AIM2: variants seen among roughly 807,000 people sequenced by gnomAD.
AIM2 encodes the protein absent in melanoma 2.
A neutral mutation model predicts 27.7 loss-of-function variants in AIM2; 30 were observed. The ratio of observed to expected loss-of-function variants is 1.08; its 90% CI spans 0.81 to 1.47. The LOEUF (loss-of-function observed/expected upper bound fraction) is 1.47. Among genes scored for constraint, AIM2 ranks in the 40% most tolerant of loss-of-function variants. The pLI is 0.00. For missense variants in AIM2, 358 were observed against 411.3 expected, an observed-to-expected ratio of 0.87 and a Z score of 1.12; for synonymous variants, 141 against 145.3, an observed-to-expected ratio of 0.97 and a Z score of 0.21.
chr1:159,081,863 T>G (rs1656785209), intron 1 of AIM2: 1 of 152,744 alleles, frequency 6.5e-6, no homozygotes. Context: ...AAGCTCCAGC[T>G]CCCTGAAAAC....
At chr1:159,081,404 A>G (rs1176459772), upstream of AIM2, 1 of 348,908 alleles carries the variant, frequency 2.9e-6, no homozygotes, top group Non-Finnish European at 5.8e-6. Context: ...TCAAAAGTAG[A>G]TAACCTGAAA....
At chr1:159,098,910 T>C (rs1280022087) in intron 1 of AIM2, among the ~76,000 whole-genome samples, 1 of 151,918 alleles carries the variant, frequency 6.6e-6, no homozygotes, top group East Asian at 1.9e-4. Context: ...AAAAACAGGA[T>C]AACAAAAAGA....
chr1:159,072,172 G>T (rs1656387959), intron 2 of AIM2, among the ~76,000 whole-genome samples: 2 of 152,192 alleles, frequency 1.3e-5, no homozygotes, highest in Non-Finnish European at 2.9e-5. Flanking sequence ...TGTAGTTACT[G>T]CCATCTAAGG....
chr1:159,115,858 T>C (rs1324025029), intron 1 of AIM2, among the ~76,000 whole-genome samples: 2 of 152,072 alleles, frequency 1.3e-5, no homozygotes, highest in East Asian at 1.9e-4. Flanking sequence ...AAAGAGCTTC[T>C]GCACAGCAAA....
At chr1:159,146,587 G>A (rs1181770099) in intron 1 of AIM2, among the ~76,000 whole-genome samples, 3 of 151,950 alleles carry the variant, frequency 2.0e-5, no homozygotes, top group African/African-American at 7.3e-5. Context: ...ATACTTTACT[G>A]TGTAATCTCT....
chr1:159,125,078 T>C (rs1255249775), intron 1 of AIM2, among the ~76,000 whole-genome samples: 1 of 152,160 alleles, frequency 6.6e-6, no homozygotes, highest in East Asian at 1.9e-4. Flanking sequence ...GGCATGCTGG[T>C]TGTGCTGCCA....
chr1:159,145,286 C>T (rs1557918955), upstream of AIM2, among the ~76,000 whole-genome samples: 1 of 152,160 alleles, frequency 6.6e-6, no homozygotes, highest in Non-Finnish European at 1.5e-5. Context: ...CTTTTCCAGA[C>T]ACTTCATCTT....
chr1:159,065,863 A>T, intron 4 of AIM2, 47 bp downstream of exon 4: 1 of 1,516,708 alleles, frequency 6.6e-7, no homozygotes, highest in East Asian at 2.3e-5. Flanking sequence ...CAGATGGGAA[A>T]TACGTTATTC....
At chr1:159,062,906 C>G (rs1655896965) in intron 5 of AIM2, among the ~76,000 whole-genome samples, 188 bp from the exon 6 acceptor site, 1 of 152,120 alleles carries the variant, frequency 6.6e-6, no homozygotes, top group Non-Finnish European at 1.5e-5. Flanking sequence ...CTGAGAAATA[C>G]ACTCCCACTT....
At chr1:159,069,707 T>G (rs1483934637) in intron 2 of AIM2, among the ~76,000 whole-genome samples, 8 of 152,064 alleles carry the variant, frequency 5.3e-5, no homozygotes, top group Admixed American at 4.6e-4. Flanking sequence ...CACGCCTGAC[T>G]AATTTTTGTA....
chr1:159,079,405 G>A (rs1184130036), upstream of AIM2, among the ~76,000 whole-genome samples: 3 of 152,012 alleles, frequency 2.0e-5, no homozygotes, highest in African/African-American at 4.8e-5. Flanking sequence ...TTTATGCCCC[G>A]ATGAATAATA....
At chr1:159,088,040 C>T (rs1570957034) in intron 1 of AIM2, among the ~76,000 whole-genome samples, 1 of 152,128 alleles carries the variant, frequency 6.6e-6, no homozygotes, top group South Asian at 2.1e-4. Context: ...AGGGAAATTA[C>T]AAAATAGTGG....
intron 1 of AIM2, among the ~76,000 whole-genome samples, chr1:159,085,233 T>C (rs1415728867): frequency 6.6e-6 from 1 of 152,050 alleles, no homozygotes; most frequent in African/African-American, 2.4e-5. Flanking sequence ...CCTGTGTCCA[T>C]CTGGGCTGCA....
chr1:159,125,238 T>C (rs759357725), intron 1 of AIM2, among the ~76,000 whole-genome samples: 1 of 152,056 alleles, frequency 6.6e-6, no homozygotes, highest in Non-Finnish European at 1.5e-5. Context: ...AGCAAAATAA[T>C]AGATAAGCAA....
chr1:159,115,600 A>C (rs539972144), intron 1 of AIM2, among the ~76,000 whole-genome samples: 1 of 152,354 alleles, frequency 6.6e-6, no homozygotes, highest in South Asian at 2.1e-4. Flanking sequence ...TCCCTATTTA[A>C]TAAATGGTGC....
chr1:159,063,797 AT>A, intron 4 of AIM2, 123 bp from the exon 5 acceptor site: 1 of 1,055,758 alleles, frequency 9.5e-7, no homozygotes, highest in South Asian at 1.6e-5. Flanking sequence ...AACAACACAG[AT>A]TTTACCTGTG....
chr1:159,082,185 T>C (rs928193541), intron 1 of AIM2, among the ~76,000 whole-genome samples: 1 of 151,984 alleles, frequency 6.6e-6, no homozygotes, highest in African/African-American at 2.4e-5. Flanking sequence ...TAGAAGAGAG[T>C]GGAGCAATTC....
chr1:159,104,229 G>A (rs1316884427), intron 1 of AIM2, among the ~76,000 whole-genome samples: 1 of 152,080 alleles, frequency 6.6e-6, no homozygotes, highest in Admixed American at 6.6e-5. Context: ...CAGAGCCACG[G>A]TGACAAGAGG....
chr1:159,144,904 G>GCA (rs1276431468), upstream of AIM2, among the ~76,000 whole-genome samples: 3 of 152,150 alleles, frequency 2.0e-5, no homozygotes, highest in African/African-American at 7.2e-5. Flanking sequence ...AAGGGCTATC[G>GCA]CATGGAGTAA....
Sources: gnomAD v4.1 joint callset for allele counts (sites outside exome capture counted in the v4.1 genomes callset) on GRCh38, gnomAD v4.1.1 for gene constraint, MANE v1.5 for transcripts, NCBI Gene and HGNC (gene_info 2026-07-23, HGNC 2026-07-21) for gene names.